MIPOL1: variants seen among roughly 807,000 people sequenced by gnomAD.
MIPOL1 encodes the protein mirror-image polydactyly 1, also known as mirror-image polydactyly gene 1 protein.
MIPOL1 carries 57 observed loss-of-function variants against 60.9 expected under a neutral mutation model. That is an observed-to-expected ratio of 0.94 (90% CI 0.76 to 1.17). MIPOL1 has a LOEUF of 1.17. Among genes scored for constraint, MIPOL1 ranks in the 50% most tolerant of loss-of-function variants. The pLI, the probability that MIPOL1 is intolerant of heterozygous loss-of-function variation, is 0.00. For synonymous variants in MIPOL1, 179 were observed against 168.8 expected, an observed-to-expected ratio of 1.06 and a Z score of -0.47; for missense variants, 551 against 511.6, an observed-to-expected ratio of 1.08 and a Z score of -0.74.
chr14:37,282,593 G>T (rs1206290997), intron 6 of MIPOL1, among the ~76,000 whole-genome samples: 1 of 151,718 alleles, frequency 6.6e-6, no homozygotes, highest in Admixed American at 6.6e-5. Context: ...ATAAAAATTT[G>T]GTAGGCCAAG....
At chr14:37,263,715 G>A (rs1021455410) in intron 3 of MIPOL1, among the ~76,000 whole-genome samples, 1 of 152,166 alleles carries the variant, frequency 6.6e-6, no homozygotes, top group African/African-American at 2.4e-5. Flanking sequence ...GATAAATGAA[G>A]TTGAATAGTA....
intron 11 of MIPOL1, among the ~76,000 whole-genome samples, chr14:37,450,131 A>G (rs1367066117): frequency 2.0e-5 from 3 of 151,022 alleles, no homozygotes; most frequent in African/African-American, 7.3e-5. Flanking sequence ...TTTTTTTTGG[A>G]TCTTGTGCAT....
At position 37,394,057 on chromosome 14, in the gene MIPOL1, C is replaced by CATATATATATATATATAT. The variant is rs56361320; in HGVS notation, c.936+24444_936+24461dup. Reference sequence around the variant, plus strand: ...ATTCCTTTTTATGGCTTAGTAGTGGCATATATATATATATATATATATATA... The same window carrying CATATATATATATATATAT: ...ATTCCTTTTTATGGCTTAGTAGTGGCATATATATATATATATATATATATATATATATATATATATATA... On this transcript the variant is annotated intron_variant, in intron 10 of 12. Coordinates refer to ENST00000684589, the MANE Select transcript of MIPOL1 (RefSeq NM_001388067.1). 8.2e-3 allele frequency among the ~76,000 whole-genome samples: 600 copies of CATATATATATATATATAT among 73,136 alleles called. 14 individuals carry two copies. The highest frequency in any genetic ancestry group is 0.015 in the African/African-American group (309 of 20,946). 48.0% of individuals were successfully genotyped at this position (73,136 alleles called of 152,430 possible).
At chr14:37,257,333 T>C (rs1975130126) in intron 3 of MIPOL1, among the ~76,000 whole-genome samples, 1 of 152,046 alleles carries the variant, frequency 6.6e-6, no homozygotes, top group African/African-American at 2.4e-5. Flanking sequence ...TGCACAAATA[T>C]ACTTTTGAGC....
At chr14:37,291,145 T>C (rs1325543964) in intron 7 of MIPOL1, among the ~76,000 whole-genome samples, 1 of 152,164 alleles carries the variant, frequency 6.6e-6, no homozygotes, top group Non-Finnish European at 1.5e-5. Flanking sequence ...CAGGCTGGTC[T>C]CAAACGCCTG....
chr14:37,314,642 A>G (rs1315039890), intron 9 of MIPOL1, among the ~76,000 whole-genome samples: 2 of 152,136 alleles, frequency 1.3e-5, no homozygotes, highest in East Asian at 1.9e-4. Flanking sequence ...ATTGATAACT[A>G]TGTCATTTGT....
chr14:37,336,099 T>G (rs967763756), intron 9 of MIPOL1, among the ~76,000 whole-genome samples: 2 of 100,520 alleles, frequency 2.0e-5, no homozygotes, highest in Admixed American at 1.5e-4. Context: ...AGGGTCCAAA[T>G]TCATGGTTTT....
At chr14:37,444,423 C>T (rs2094300012) in intron 11 of MIPOL1, among the ~76,000 whole-genome samples, 1 of 152,142 alleles carries the variant, frequency 6.6e-6, no homozygotes, top group African/African-American at 2.4e-5. Context: ...AATGGGAACA[C>T]TCAATATTTC....
rs186328391 is a variant in MIPOL1 at position 37,362,017 on chromosome 14, G to A, written c.829-7500G>A. Among the ~76,000 whole-genome samples, 28 of 152,210 alleles carry A rather than the reference G, an allele frequency of 1.8e-4. No homozygotes were observed. The East Asian group carries it at 5.0e-3, about 27-fold the overall frequency. ...GAGCTATGTGTGTCTCTGCATGTGA[G>A]ATGGGTCTCCTGAACACAGCACACT... On this transcript the variant is annotated intron_variant, in intron 9 of 12. Coordinates refer to ENST00000684589, the MANE Select transcript of MIPOL1 (RefSeq NM_001388067.1).
chr14:37,412,413 G>T (rs139007581), intron 10 of MIPOL1, among the ~76,000 whole-genome samples: 90 of 151,896 alleles, frequency 5.9e-4, no homozygotes, highest in African/African-American at 2.0e-3. Flanking sequence ...CAACCCAAAG[G>T]TTTATCATTG....
intron 11 of MIPOL1, among the ~76,000 whole-genome samples, chr14:37,465,417 A>G (rs1417682086): frequency 6.6e-6 from 1 of 152,186 alleles, no homozygotes; most frequent in East Asian, 1.9e-4. Flanking sequence ...AGGCAAAAAC[A>G]TATATAAATA....
At chr14:37,513,429 C>T (rs190218260) in intron 12 of MIPOL1, among the ~76,000 whole-genome samples, 1 of 151,948 alleles carries the variant, frequency 6.6e-6, no homozygotes, top group East Asian at 1.9e-4. Context: ...TTTATAAAAA[C>T]TAAAGAATTT....
rs534762638 is a variant in MIPOL1, at chr14:37,264,738, G to A, written c.20-2200G>A. Among the ~76,000 whole-genome samples the A allele has an allele frequency of 5.0e-4, 76 of 152,188 alleles. No homozygotes were observed. In the South Asian group the frequency reaches 0.015, roughly 30 times the overall value. ...AGGGCATACAGTAATTCTTTGTTTT[G>A]CAACTTTCTTATGAGACAAATTATT... is the stretch of plus-strand genomic sequence containing the variant. On this transcript the variant is annotated intron_variant, in intron 3 of 12. Coordinates refer to ENST00000684589, the MANE Select transcript of MIPOL1 (RefSeq NM_001388067.1).
chr14:37,214,934 G>C (rs886928030), intron 1 of MIPOL1, among the ~76,000 whole-genome samples: 8 of 151,792 alleles, frequency 5.3e-5, no homozygotes, highest in African/African-American at 1.9e-4. Flanking sequence ...TCTTGTGGAG[G>C]GCCTGACATC....
chr14:37,531,232 A>G (rs962364490), intron 12 of MIPOL1, among the ~76,000 whole-genome samples: 4 of 152,138 alleles, frequency 2.6e-5, no homozygotes, highest in Admixed American at 6.6e-5. Flanking sequence ...ACTGACCTCT[A>G]TGCAGTTCCT....
chr14:37,378,985 A>G (rs1020521881), intron 10 of MIPOL1, among the ~76,000 whole-genome samples: 1 of 152,048 alleles, frequency 6.6e-6, no homozygotes, highest in Admixed American at 6.6e-5. Context: ...TAGTAATCCT[A>G]ATATAAAAAC....
At chr14:37,372,227 A>G (rs916609144) in intron 10 of MIPOL1, among the ~76,000 whole-genome samples, 2 of 152,218 alleles carry the variant, frequency 1.3e-5, no homozygotes, top group Non-Finnish European at 2.9e-5. Flanking sequence ...GGGGAATACA[A>G]TCACAATTAA....
chr14:37,338,055 C>CT (rs2090307807), intron 9 of MIPOL1, among the ~76,000 whole-genome samples: 1 of 151,432 alleles, frequency 6.6e-6, no homozygotes, highest in African/African-American at 2.4e-5. Context: ...TTACAAAAGG[C>CT]ATCCAACTTC....
At chr14:37,391,695 C>G (rs1202346591) in intron 10 of MIPOL1, among the ~76,000 whole-genome samples, 1 of 152,078 alleles carries the variant, frequency 6.6e-6, no homozygotes, top group Non-Finnish European at 1.5e-5. Context: ...TGCCCAGCCA[C>G]TTATTCAAAA....
Sources: gnomAD v4.1 joint callset for allele counts (sites outside exome capture counted in the v4.1 genomes callset) on GRCh38, gnomAD v4.1.1 for gene constraint, MANE v1.5 for transcripts, NCBI Gene and HGNC (gene_info 2026-07-23, HGNC 2026-07-21) for gene names.